ITGBL1: variants seen among roughly 807,000 people sequenced by gnomAD.
The protein encoded by ITGBL1 is integrin subunit beta like 1, also known as integrin beta-like protein 1.
Under a neutral mutation model 68.5 loss-of-function variants are expected in ITGBL1, and 51 were observed. The ratio of observed to expected loss-of-function variants is 0.74; its 90% CI spans 0.59 to 0.94. The LOEUF (loss-of-function observed/expected upper bound fraction) is 0.94. ITGBL1 is among the 40% of genes least tolerant of loss of function. The pLI, the probability that ITGBL1 is intolerant of heterozygous loss-of-function variation, is 0.00. For synonymous variants in ITGBL1, 209 were observed against 227.3 expected (o/e 0.92, Z 0.72); for missense variants, 649 against 647.4 (o/e 1.00, Z -0.03).
At position 101,537,643 on chromosome 13, in the gene ITGBL1, AAC is replaced by A. The variant is rs1271129075; in HGVS notation, c.317-30050_317-30049del. On this transcript the variant is annotated intron_variant, in intron 2 of 10. Transcript: ENST00000376180. The stretch of plus-strand genomic sequence containing the variant: ...AACAAAACTAAATTATTAATTTAAA[AAC>A]ACACATTTTTCATGTAAAGCAGAGG... Among the ~76,000 whole-genome samples, 4 of 152,208 alleles carry A rather than the reference AAC, an allele frequency of 2.6e-5. 1 individual carries two copies. The highest frequency in any genetic ancestry group is 1.9e-4 in the East Asian group (1 of 5,188).
intron 2 of ITGBL1, among the ~76,000 whole-genome samples, chr13:101,556,389 C>A (rs2050005661): frequency 6.6e-6 from 1 of 152,178 alleles, no homozygotes; most frequent in Admixed American, 6.5e-5. Flanking sequence ...GTAATCCCAG[C>A]ACTTTGGGAG....
intron 7 of ITGBL1, among the ~76,000 whole-genome samples, chr13:101,658,786 A>G (rs1566779406): frequency 6.6e-6 from 1 of 152,282 alleles, no homozygotes; most frequent in East Asian, 1.9e-4. Context: ...TAAATCATTC[A>G]CAGTCAACCT....
intron 2 of ITGBL1, chr13:101,489,875 C>A: frequency 2.4e-6 from 2 of 818,950 alleles, no homozygotes; most frequent in Non-Finnish European, 1.9e-6. Flanking sequence ...AAATAGAAAC[C>A]AGTGAGAGGT....
At chr13:101,541,889 T>A (rs2049711614) in intron 2 of ITGBL1, among the ~76,000 whole-genome samples, 1 of 152,014 alleles carries the variant, frequency 6.6e-6, no homozygotes, top group Non-Finnish European at 1.5e-5. Context: ...TTTCTGTGGG[T>A]TTGGTGGTGA....
intron 7 of ITGBL1, among the ~76,000 whole-genome samples, chr13:101,634,941 GGT>G (rs59309809): frequency 0.11 from 15,659 of 145,162 alleles, 978 homozygotes; most frequent in African/African-American, 0.19. Flanking sequence ...ATAAGCAAAA[GGT>G]GTGTGTGTGT....
At chr13:101,558,686 A>C (rs1287290903) in intron 2 of ITGBL1, among the ~76,000 whole-genome samples, 1 of 152,200 alleles carries the variant, frequency 6.6e-6, no homozygotes, top group Non-Finnish European at 1.5e-5. Flanking sequence ...ACGGCAGAGG[A>C]AGATAATTCC....
At chr13:101,624,840 A>G (rs1011929369) in intron 7 of ITGBL1, among the ~76,000 whole-genome samples, 9 of 152,184 alleles carry the variant, frequency 5.9e-5, no homozygotes, top group African/African-American at 2.2e-4. Context: ...CGTGGCTAAC[A>G]TTTACCTTCA....
intron 2 of ITGBL1, among the ~76,000 whole-genome samples, chr13:101,548,571 A>G (rs1004203257): frequency 3.3e-5 from 5 of 151,870 alleles, no homozygotes; most frequent in African/African-American, 1.2e-4. Flanking sequence ...CATTTAAGTG[A>G]AGAATAAGAA....
At chr13:101,611,522 T>A (rs2031124769) in intron 7 of ITGBL1, among the ~76,000 whole-genome samples, 1 of 152,302 alleles carries the variant, frequency 6.6e-6, no homozygotes, top group African/African-American at 2.4e-5. Context: ...TACTATTATC[T>A]AGATATTGGG....
At position 101,667,558 on chromosome 13, in the gene ITGBL1, A is replaced by G. The variant is rs547202707; in HGVS notation, c.1016-25027A>G. On this transcript the variant is annotated intron_variant, in intron 7 of 10. Coordinates refer to ENST00000376180, the MANE Select transcript of ITGBL1 (RefSeq NM_004791.3). ...GAGAAACTGCTTTACCCAAAATTTGATGCACAGCCTTCATAATATTACCCA... is the reference window on the plus strand; with the variant it reads ...GAGAAACTGCTTTACCCAAAATTTGGTGCACAGCCTTCATAATATTACCCA... Among the ~76,000 whole-genome samples, 4 of 152,262 alleles carry G rather than the reference A, an allele frequency of 2.6e-5. No homozygotes were observed. The East Asian group carries it at 7.7e-4, about 29-fold the overall frequency.
At chr13:101,637,773 G>A (rs1473217756) in intron 7 of ITGBL1, among the ~76,000 whole-genome samples, 2 of 152,194 alleles carry the variant, frequency 1.3e-5, no homozygotes. Context: ...TCTGGCTACA[G>A]AGAAATTCTC....
chr13:101,582,289 C>T (rs1405090348), intron 5 of ITGBL1, among the ~76,000 whole-genome samples: 1 of 151,918 alleles, frequency 6.6e-6, no homozygotes, highest in Non-Finnish European at 1.5e-5. Context: ...TTTTCAATTT[C>T]CTTTTTTAGT....
At chr13:101,529,827 A>C (rs1889700) in intron 2 of ITGBL1, among the ~76,000 whole-genome samples, 2 of 152,048 alleles carry the variant, frequency 1.3e-5, no homozygotes, top group East Asian at 1.9e-4. Flanking sequence ...CCCTGCAGCC[A>C]AGTAGAACTG....
intron 1 of ITGBL1, 53 bp from the exon 2 acceptor site, chr13:101,453,829 AG>A: frequency 8.6e-7 from 1 of 1,164,620 alleles, no homozygotes; most frequent in Non-Finnish European, 1.1e-6. Context: ...GGTTCGGAGC[AG>A]GGGGCGGCGT....
chr13:101,475,379 T>C (rs1307476408), intron 2 of ITGBL1, among the ~76,000 whole-genome samples: 1 of 152,030 alleles, frequency 6.6e-6, no homozygotes, highest in Non-Finnish European at 1.5e-5. Flanking sequence ...GCTATTTGAA[T>C]AGTTAGAAGA....
At chr13:101,672,147 T>G (rs1369667945) in intron 7 of ITGBL1, among the ~76,000 whole-genome samples, 1 of 152,228 alleles carries the variant, frequency 6.6e-6, no homozygotes, top group Admixed American at 6.5e-5. Flanking sequence ...CTCATTATCT[T>G]TAGTAAAGAT....
intron 7 of ITGBL1, among the ~76,000 whole-genome samples, chr13:101,673,010 C>T (rs1473243073): frequency 6.6e-6 from 1 of 152,154 alleles, no homozygotes; most frequent in Non-Finnish European, 1.5e-5. Context: ...AGACTTGTGC[C>T]TGATGTTTGA....
intron 2 of ITGBL1, among the ~76,000 whole-genome samples, chr13:101,530,928 G>C (rs1445969301): frequency 6.6e-6 from 1 of 152,114 alleles, no homozygotes; most frequent in Admixed American, 6.6e-5. Flanking sequence ...GTTGGGTCTA[G>C]ATTCATCTTA....
intron 7 of ITGBL1, among the ~76,000 whole-genome samples, chr13:101,631,888 G>T (rs1182543946): frequency 2.6e-5 from 4 of 152,114 alleles, no homozygotes; most frequent in African/African-American, 7.2e-5. Flanking sequence ...GTTTGAAAAA[G>T]AATGAATGGA....
Sources: gnomAD v4.1 joint callset for allele counts (sites outside exome capture counted in the v4.1 genomes callset) on GRCh38, gnomAD v4.1.1 for gene constraint, MANE v1.5 for transcripts, NCBI Gene and HGNC (gene_info 2026-07-23, HGNC 2026-07-21) for gene names.